Variants in LDLRAD4 observed in about 807,000 individuals in gnomAD.
LDLRAD4 encodes low density lipoprotein receptor class A domain containing 4.
Under a neutral mutation model 17.0 loss-of-function variants are expected in LDLRAD4, and 5 were observed. The observed-to-expected ratio is 0.29, with a 90% confidence interval of 0.15 to 0.62. The LOEUF is 0.62. LDLRAD4 is among the 20% of genes least tolerant of loss of function. The pLI is 0.84. For synonymous variants in LDLRAD4, 168 were observed against 171.8 expected (o/e 0.98, Z 0.17); for missense variants, 340 against 424.7 (o/e 0.80, Z 1.75).
chr18:13,624,501 G>A (rs1041630181), intron 4 of LDLRAD4, among the ~76,000 whole-genome samples: 3 of 152,128 alleles, frequency 2.0e-5, no homozygotes, highest in Non-Finnish European at 4.4e-5. Flanking sequence ...CCAAGACCCC[G>A]CTGCCATTCT....
At chr18:13,397,733 A>G (rs1348830934) in intron 2 of LDLRAD4, among the ~76,000 whole-genome samples, 1 of 152,214 alleles carries the variant, frequency 6.6e-6, no homozygotes, top group Non-Finnish European at 1.5e-5. Flanking sequence ...AGGACGACAA[A>G]GCACGGTGCT....
At chr18:13,442,782 T>C (rs2091116430) in intron 3 of LDLRAD4, among the ~76,000 whole-genome samples, 1 of 152,198 alleles carries the variant, frequency 6.6e-6, no homozygotes, top group African/African-American at 2.4e-5. Context: ...TTGAGTGGTC[T>C]GTGCAGCCTG....
intron 3 of LDLRAD4, among the ~76,000 whole-genome samples, chr18:13,450,660 T>C (rs2091775506): frequency 6.6e-6 from 1 of 152,208 alleles, no homozygotes; most frequent in South Asian, 2.1e-4. Context: ...AGCTTTGTTC[T>C]GTCCAGTGCT....
chr18:13,519,980 G>T (rs1447092967), intron 3 of LDLRAD4: 2 of 152,164 alleles, frequency 1.3e-5, no homozygotes, highest in Non-Finnish European at 2.9e-5. Context: ...AATTTGCTAC[G>T]TAAAATATGC....
rs181445395 is a variant in LDLRAD4, at chr18:13,367,356, C to T, written c.-382-19985C>T. On this transcript the variant is annotated intron_variant, in intron 1 of 5. Transcript: ENST00000359446. This position sits in a 1 kb window ranked among gnomAD's most constrained non-coding sequence, Gnocchi z 4.1. ...CAGAGGGGCCTGGGAGATGAGGTCC[C>T]GCTGTGCAGAACACACGGGGACTGG... Among the ~76,000 whole-genome samples, 109 of 152,060 alleles carry T rather than the reference C, an allele frequency of 7.2e-4. No homozygotes were observed. Among genetic ancestry groups the T allele is most frequent in the Non-Finnish European group, 1.2e-3 (82 of 67,966 alleles).
intron 1 of LDLRAD4, among the ~76,000 whole-genome samples, chr18:13,232,325 C>T (rs1407439142): frequency 2.6e-5 from 4 of 152,210 alleles, no homozygotes; most frequent in Non-Finnish European, 4.4e-5. Flanking sequence ...CTGTCCCACT[C>T]GCCTCCCGCC....
At chr18:13,525,004 A>G (rs2094007818) in intron 3 of LDLRAD4, among the ~76,000 whole-genome samples, 1 of 152,192 alleles carries the variant, frequency 6.6e-6, no homozygotes, top group African/African-American at 2.4e-5. Flanking sequence ...CTTAATTACA[A>G]TCCCTGCAAT....
At chr18:13,649,070 C>T (rs957821111) in exon 6 of LDLRAD4, 1 of 152,152 alleles carries the variant, frequency 6.6e-6, no homozygotes, top group African/African-American at 2.4e-5. Context: ...ACAAGAAATC[C>T]CAAGAGAGCA....
intron 3 of LDLRAD4, among the ~76,000 whole-genome samples, chr18:13,511,345 C>G (rs2093775019): frequency 6.6e-6 from 1 of 152,116 alleles, no homozygotes; most frequent in African/African-American, 2.4e-5. Flanking sequence ...CCAGCCATCT[C>G]TACTAAAAAT....
At chr18:13,376,852 C>G (rs2084950609) in intron 1 of LDLRAD4, among the ~76,000 whole-genome samples, 2 of 152,214 alleles carry the variant, frequency 1.3e-5, no homozygotes, top group African/African-American at 4.8e-5. Context: ...GCCTTCGTTA[C>G]CAAGGCAGTG....
At chr18:13,515,240 T>C (rs563809939) in intron 3 of LDLRAD4, 2 of 152,340 alleles carry the variant, frequency 1.3e-5, no homozygotes, top group Admixed American at 1.3e-4. Flanking sequence ...TGTTATTACA[T>C]TGGTTTTAAA....
At chr18:13,574,278 A>G (rs756543076) in intron 3 of LDLRAD4, among the ~76,000 whole-genome samples, 2 of 152,192 alleles carry the variant, frequency 1.3e-5, no homozygotes, top group African/African-American at 2.4e-5. Flanking sequence ...AAAAAGCAGA[A>G]TGTGGCTGGG....
intron 1 of LDLRAD4, among the ~76,000 whole-genome samples, chr18:13,219,696 G>C (rs945279103): frequency 3.3e-5 from 5 of 152,192 alleles, no homozygotes; most frequent in Non-Finnish European, 5.9e-5. Flanking sequence ...GTGCCTTCTC[G>C]AAGGGCTAGT....
intron 1 of LDLRAD4, among the ~76,000 whole-genome samples, chr18:13,263,086 A>G (rs1173138943): frequency 1.0e-5 from 1 of 98,194 alleles, no homozygotes; most frequent in Admixed American, 1.3e-4. Context: ...GCCGAGTCCC[A>G]CGCTGCTCTG....
At position 13,367,397 on chromosome 18, in the gene LDLRAD4, G is replaced by A. The variant is rs1472220615; in HGVS notation, c.-382-19944G>A. 3.3e-5 allele frequency among the ~76,000 whole-genome samples: 5 copies of A among 152,188 alleles called. No individual in the cohort carries two copies. Among genetic ancestry groups the A allele is most frequent in the Admixed American group, 2.0e-4 (3 of 15,266 alleles). On this transcript the variant is annotated intron_variant, in intron 1 of 5. Transcript: ENST00000359446. The surrounding 1 kb of genome is among the most constrained non-coding windows in gnomAD (Gnocchi z 4.1). ...CGGGGACTGGCAGGCAGGAAAGGGG[G>A]CGAGGGGGTCTCAGGCATTGAACTG... is the stretch of plus-strand genomic sequence containing the variant.
rs566284014 is a variant in LDLRAD4 at position 13,638,316 on chromosome 18, T to C, written c.337-5043T>C. On this transcript the variant is annotated intron_variant, in intron 4 of 5. Coordinates refer to ENST00000359446, the Ensembl canonical transcript of LDLRAD4. ...GTTTTAAATTTAAAAATGAAAAGCATGGCCAGAATTCTAGCCTATGCAATG... is the reference window on the plus strand; with the variant it reads ...GTTTTAAATTTAAAAATGAAAAGCACGGCCAGAATTCTAGCCTATGCAATG... 1.3e-3 allele frequency among the ~76,000 whole-genome samples: 203 copies of C among 152,336 alleles called. 4 individuals carry two copies. The highest frequency in any genetic ancestry group is 5.7e-4 in the Non-Finnish European group (39 of 68,028).
At chr18:13,552,678 T>C (rs2094446798) in intron 3 of LDLRAD4, among the ~76,000 whole-genome samples, 1 of 152,206 alleles carries the variant, frequency 6.6e-6, no homozygotes, top group African/African-American at 2.4e-5. Flanking sequence ...TCTTCACTCT[T>C]TCTTCCGTGT....
chr18:13,411,509 T>G lies in LDLRAD4; in HGVS notation c.40+23747T>G, dbSNP rs916781176. 3.3e-5 allele frequency among the ~76,000 whole-genome samples: 5 copies of G among 152,268 alleles called. No homozygotes were observed. The East Asian group carries it at 9.7e-4, about 29-fold the overall frequency. ...CCCACCTGTCGTGAGAGGGACCCAG[T>G]TGGAGGTAATTGAATCACAGGGATG... is the stretch of plus-strand genomic sequence containing the variant. On this transcript the variant is annotated intron_variant, in intron 2 of 5. Coordinates refer to ENST00000359446, the Ensembl canonical transcript of LDLRAD4.
rs541369984 is a variant in LDLRAD4, at chr18:13,318,054, A to G, written c.-383+39866A>G. On this transcript the variant is annotated intron_variant, in intron 1 of 5. Coordinates refer to ENST00000359446, the Ensembl canonical transcript of LDLRAD4. Reference sequence around the variant, plus strand: ...TGCATTACCGTGTGGTTGAGTATACATCTGCCACTCGTCCGGTCCCTCGCT... The same window carrying G: ...TGCATTACCGTGTGGTTGAGTATACGTCTGCCACTCGTCCGGTCCCTCGCT... 1.3e-3 allele frequency among the ~76,000 whole-genome samples: 198 copies of G among 152,130 alleles called. 1 individual carries two copies. The highest frequency in any genetic ancestry group is 3.8e-3 in the Admixed American group (58 of 15,276).
Sources: allele counts gnomAD v4.1 joint callset (sites outside exome capture counted in the v4.1 genomes callset), GRCh38; gene constraint gnomAD v4.1.1; non-coding constraint Gnocchi (gnomAD v3.1); transcripts MANE v1.5; gene names NCBI Gene and HGNC (gene_info 2026-07-23, HGNC 2026-07-21).